The following ARHGEF4 variants were observed in gnomAD, a reference collection of about 807,000 sequenced individuals.
ARHGEF4 encodes Rho guanine nucleotide exchange factor 4.
ARHGEF4 carries 119 observed loss-of-function variants against 162.0 expected under a neutral mutation model. The observed-to-expected ratio is 0.73, with a 90% CI of 0.63 to 0.86. ARHGEF4 has a LOEUF of 0.86. Ranked by LOEUF, ARHGEF4 falls within the 40% of genes least tolerant of loss-of-function variation. ARHGEF4 has a pLI of 0.00. For synonymous variants in ARHGEF4, 1,014 were observed against 979.9 expected (o/e 1.03, Z -0.65); for missense variants, 2,488 against 2,456.0 (o/e 1.01, Z -0.28).
At chr2:130,876,390 C>G (rs780265593) in intron 1 of ARHGEF4, among the ~76,000 whole-genome samples, 22 of 152,102 alleles carry the variant, frequency 1.4e-4, no homozygotes, top group Non-Finnish European at 2.5e-4. Context: ...TTTGTATGAG[C>G]ATCTTTTTTT....
intron 1 of ARHGEF4, among the ~76,000 whole-genome samples, chr2:130,911,316 C>G (rs1681170345): frequency 6.6e-6 from 1 of 152,146 alleles, no homozygotes; most frequent in South Asian, 2.1e-4. Context: ...AAGTGCCAGG[C>G]CTGTGGCAAA....
rs1681556492 is a variant in ARHGEF4 at position 130,917,230 on chromosome 2, T to C, written c.3284T>C (p.Leu1095Pro). ...TGCAGACCCACGAGCCCCAAGCCCC[T>C]GAGTCCCAGGCCTAGTGCTCAGCGG... ...TPCRPTSPKP[L>P]SPRPSAQRMG... The change falls in exon 2 of 14, where the codon CTG becomes CCG. Residue 1095 changes from leucine to proline, a missense_variant. Physicochemically the swap from Leu to Pro is moderately conservative, Grantham distance 98. This residue lies in a region of ARHGEF4 where 1,642 missense variants were observed against 1,481.5 expected (regional missense o/e 1.11). Transcript: ENST00000409359. The C allele has an allele frequency of 1.9e-5, 30 of 1,550,398 alleles. No homozygotes were observed. The highest frequency in any genetic ancestry group is 2.6e-5 in the Non-Finnish European group (30 of 1,146,978).
rs1573607070 is a variant in ARHGEF4, at chr2:131,011,996, T to C, written c.3986-15949T>C. 3 of 686,618 alleles carry C rather than the reference T, an allele frequency of 4.4e-6. No homozygotes were observed. The East Asian group carries it at 8.1e-5, about 19-fold the overall frequency. 42.5% of individuals were successfully genotyped at this position (686,618 alleles called of 1,614,324 possible). ...TGATGGACTTGATGATAAATATGGA[T>C]GTGAACTGAAAGAAAGACAGGCGTC... On this transcript the variant is annotated intron_variant, in intron 4 of 13. Coordinates refer to ENST00000409359, the MANE Select transcript of ARHGEF4 (RefSeq NM_001367493.1).
At chr2:130,913,870 G>T in intron 1 of ARHGEF4, 116 bp from the exon 2 acceptor site, 1 of 1,259,606 alleles carries the variant, frequency 7.9e-7, no homozygotes, top group African/African-American at 1.5e-5. Context: ...GGGTACATGG[G>T]GAACTAATGA....
intron 5 of ARHGEF4, among the ~76,000 whole-genome samples, chr2:131,031,468 C>T (rs141372343): frequency 3.3e-4 from 51 of 152,306 alleles, no homozygotes; most frequent in African/African-American, 9.1e-4. Flanking sequence ...GCGTCAGGGA[C>T]GCACCAGGTC....
At chr2:131,028,207 C>A in intron 5 of ARHGEF4, 123 bp downstream of exon 5, 1 of 1,372,842 alleles carries the variant, frequency 7.3e-7, no homozygotes, top group Non-Finnish European at 9.9e-7. Flanking sequence ...TGGTGCTGGC[C>A]ATACACAGCG....
chr2:131,045,426 A>G lies in ARHGEF4; in HGVS notation c.5459A>G (p.Gln1820Arg). The G allele has an allele frequency of 6.2e-7, 1 of 1,613,628 alleles. No homozygotes were observed. The highest frequency in any genetic ancestry group is 8.5e-7 in the Non-Finnish European group (1 of 1,180,014). Residue 1820 changes from glutamine (Q) to arginine (R), a missense_variant, in exon 13 of 14, where the codon CAG (glutamine) becomes CGG (arginine). Physicochemically the swap from Gln to Arg is conservative, Grantham distance 43 (BLOSUM62 1). Around this residue, in one of 6 missense-constraint regions of ARHGEF4, gnomAD observed 415 missense variants for 512.4 expected, o/e 0.81. Coordinates refer to ENST00000409359, the MANE Select transcript of ARHGEF4 (RefSeq NM_001367493.1). ...GCCATGCTGAATGCCAGCAAGCAGC[A>G]GGTCACAGGGAAGCCCAAAGGTAGG... ...KQAMLNASKQQVTGKPKAVGR... is the reference protein window; with the variant it reads ...KQAMLNASKQRVTGKPKAVGR...
chr2:130,953,250 C>A (rs1276191882), intron 4 of ARHGEF4, among the ~76,000 whole-genome samples: 1 of 152,036 alleles, frequency 6.6e-6, no homozygotes, highest in Admixed American at 6.6e-5. Flanking sequence ...AGAAATAACA[C>A]CACACATCTA....
At position 130,893,194 on chromosome 2, in the gene ARHGEF4, C is replaced by G. The variant is rs907194873; in HGVS notation, c.40-20792C>G. ...AGCACCATGTATTCTGTCCACTGTA[C>G]CTTCTCTTTCTGCTCATCTTCCCAA... On this transcript the variant is annotated intron_variant, in intron 1 of 13. Coordinates refer to ENST00000409359, the MANE Select transcript of ARHGEF4 (RefSeq NM_001367493.1). 2.0e-5 allele frequency among the ~76,000 whole-genome samples: 3 copies of G among 152,192 alleles called. No homozygotes were observed. The South Asian group carries it at 6.2e-4, about 31-fold the overall frequency.
intron 4 of ARHGEF4, chr2:130,964,200 C>T: frequency 1.1e-5 from 11 of 985,294 alleles, no homozygotes; most frequent in Non-Finnish European, 1.3e-5. Context: ...GCATGCGCGG[C>T]GCCGTGTCCC....
intron 10 of ARHGEF4, among the ~76,000 whole-genome samples, chr2:131,042,577 A>G (rs570165848): frequency 1.3e-5 from 2 of 152,294 alleles, no homozygotes; most frequent in African/African-American, 4.8e-5. Flanking sequence ...GAAATCAATC[A>G]GTATCAGCCA....
Position 130,914,481 on chromosome 2 carries a change from C to G in ARHGEF4, c.535C>G (p.Arg179Gly), listed in dbSNP as rs546332113. ...ERESLLAGVP[R>G]HTGCCLQRAT... ...AGAGTCTTTGCTGGCAGGGGTTCCC[C>G]GACACACAGGGTGCTGCTTACAGAG... The change falls in exon 2 of 14, where the codon CGA (arginine) becomes GGA (glycine). Residue 179 changes from arginine (R) to glycine (G), a missense_variant. Arg to Gly is a moderately radical substitution (Grantham distance 125). This residue lies in a region of ARHGEF4 where 81 missense variants were observed against 125.8 expected (regional missense o/e 0.64). Coordinates refer to ENST00000409359, the MANE Select transcript of ARHGEF4 (RefSeq NM_001367493.1). 12 of 1,433,020 alleles carry G rather than the reference C, an allele frequency of 8.4e-6. No homozygotes were observed. Among genetic ancestry groups the G allele is most frequent in the South Asian group, 7.6e-5 (5 of 65,786 alleles). 88.8% of individuals were successfully genotyped at this position (1,433,020 alleles called of 1,614,324 possible).
chr2:131,002,834 C>T (rs1184139153), intron 4 of ARHGEF4, among the ~76,000 whole-genome samples: 2 of 150,188 alleles, frequency 1.3e-5, no homozygotes, highest in Admixed American at 1.3e-4. Flanking sequence ...AACTGTTGGT[C>T]GGCTTCCTAT....
At chr2:130,936,908 T>TTTTTTTTTTTTTTTTTTTTTTTTTC in intron 3 of ARHGEF4, among the ~76,000 whole-genome samples, 1 of 2,580 alleles carries the variant, frequency 3.9e-4, no homozygotes, top group African/African-American at 5.3e-4. Flanking sequence ...CTTTTTTCTT[T>TTTTTTTTTTTTTTTTTTTTTTTTTC]TTTTTTTTTT....
At position 130,916,735 on chromosome 2, in the gene ARHGEF4, C is replaced by T. The variant is rs1356214158; in HGVS notation, c.2789C>T (p.Thr930Ile). Reference sequence around the variant, plus strand: ...TCAATAGTTCTAGAGAAAGAGAACACCCATGAACGTTCCCCAAGTTCTCCC... The same window carrying T: ...TCAATAGTTCTAGAGAAAGAGAACATCCATGAACGTTCCCCAAGTTCTCCC... ...IESIVLEKEN[T>I]HERSPSSPKG... Residue 930 changes from threonine (T) to isoleucine (I), a missense_variant, in exon 2 of 14, where the codon ACC becomes ATC. By Grantham distance (89) the Thr-to-Ile change is moderately conservative. Transcript: ENST00000409359. The T allele has an allele frequency of 6.4e-7, 1 of 1,550,646 alleles. No individual in the cohort carries two copies. The highest frequency in any genetic ancestry group is 8.7e-7 in the Non-Finnish European group (1 of 1,147,024).
intron 4 of ARHGEF4, among the ~76,000 whole-genome samples, chr2:130,949,568 G>C (rs1683826426): frequency 6.6e-6 from 1 of 151,968 alleles, no homozygotes; most frequent in African/African-American, 2.4e-5. Context: ...GATAGCCAGG[G>C]TGGTCTCGAT....
At chr2:130,937,750 C>T (rs951056479) in intron 3 of ARHGEF4, among the ~76,000 whole-genome samples, 3 of 151,408 alleles carry the variant, frequency 2.0e-5, no homozygotes, top group Non-Finnish European at 2.9e-5. Flanking sequence ...TCACTGCAAG[C>T]TCTGCCTCCC....
intron 6 of ARHGEF4, chr2:131,039,328 A>T (rs1463924283): frequency 8.4e-7 from 1 of 1,194,434 alleles, no homozygotes; most frequent in East Asian, 4.4e-5. Context: ...ACATTTCCCA[A>T]GCCCTGAAGA....
At chr2:130,850,250 T>G (rs1296790827) in intron 1 of ARHGEF4, among the ~76,000 whole-genome samples, 1 of 152,182 alleles carries the variant, frequency 6.6e-6, no homozygotes, top group African/African-American at 2.4e-5. Context: ...ATCAGGCCTG[T>G]CTGTACCTGA....
Sources: allele counts gnomAD v4.1 joint callset (sites outside exome capture counted in the v4.1 genomes callset), GRCh38; gene constraint gnomAD v4.1.1; regional missense constraint gnomAD v4.1.1; transcripts MANE v1.5; gene names NCBI Gene and HGNC (gene_info 2026-07-23, HGNC 2026-07-21).